Variants in PRSS23 observed in about 807,000 individuals in gnomAD.
The protein encoded by PRSS23 is serine protease 23.
In PRSS23, 25 loss-of-function variants were observed where a neutral mutation model predicts 34.7. The ratio of observed to expected loss-of-function variants is 0.72; its 90% confidence interval spans 0.53 to 1.01. PRSS23 has a LOEUF of 1.01. Ranked by LOEUF, PRSS23 falls within the 50% of genes least tolerant of loss-of-function variation. The pLI is 0.00. For missense variants in PRSS23, 445 were observed against 475.6 expected (o/e 0.94, Z 0.60); for synonymous variants, 176 against 186.6 (o/e 0.94, Z 0.46).
At chr11:86,918,207 GA>G (rs34146813) in intron 2 of PRSS23, among the ~76,000 whole-genome samples, 48,129 of 151,972 alleles carry the variant, frequency 0.32, 7,652 homozygotes, top group African/African-American at 0.35. Flanking sequence ...AGTATATACA[GA>G]AATGAATGTA....
exon 3 of PRSS23, chr11:86,952,527 C>T: frequency 6.3e-7 from 1 of 1,582,612 alleles, no homozygotes; most frequent in Non-Finnish European, 8.6e-7. Context: ...GAAGTTTGAC[C>T]AAATGCTCCC....
intron 2 of PRSS23, among the ~76,000 whole-genome samples, chr11:86,938,271 A>G (rs892674540): frequency 1.3e-5 from 2 of 152,238 alleles, no homozygotes; most frequent in Non-Finnish European, 2.9e-5. Context: ...ATGCAATTAC[A>G]GATGTTTGAA....
At chr11:86,888,673 C>T (rs188635617) in intron 2 of PRSS23, among the ~76,000 whole-genome samples, 71 of 152,304 alleles carry the variant, frequency 4.7e-4, no homozygotes, top group Non-Finnish European at 8.1e-4. Context: ...AGCCATGTCT[C>T]CTAAGACTTA....
At chr11:86,797,191 C>A (rs1158399956), upstream of PRSS23, among the ~76,000 whole-genome samples, 1 of 152,248 alleles carries the variant, frequency 6.6e-6, no homozygotes, top group Non-Finnish European at 1.5e-5. Context: ...GAACTGAGTT[C>A]TTAAGAAGCA....
At chr11:86,855,561 T>C (rs932724271) in intron 2 of PRSS23, among the ~76,000 whole-genome samples, 21 of 152,196 alleles carry the variant, frequency 1.4e-4, no homozygotes, top group African/African-American at 5.1e-4. Flanking sequence ...AGAGGCATGA[T>C]CTTGGCTCAC....
At chr11:86,846,155 G>A (rs549508162) in intron 2 of PRSS23, among the ~76,000 whole-genome samples, 1 of 151,916 alleles carries the variant, frequency 6.6e-6, no homozygotes, top group African/African-American at 2.4e-5. Flanking sequence ...TCTCTCTCTC[G>A]GTCCTTGCCT....
intron 2 of PRSS23, chr11:86,936,943 T>A (rs934593139): frequency 2.0e-5 from 3 of 151,980 alleles, no homozygotes; most frequent in African/African-American, 7.2e-5. Flanking sequence ...TTTAGAACAT[T>A]TAGAACATTA....
chr11:86,825,306 G>C (rs1262447661), intron 2 of PRSS23, among the ~76,000 whole-genome samples: 47 of 151,732 alleles, frequency 3.1e-4, no homozygotes, highest in African/African-American at 8.0e-4. Context: ...TCATGTCCTT[G>C]GCCCACTTTT....
intron 2 of PRSS23, among the ~76,000 whole-genome samples, chr11:86,916,545 G>A (rs1949014064): frequency 6.6e-6 from 1 of 152,194 alleles, no homozygotes; most frequent in South Asian, 2.1e-4. Flanking sequence ...GGAAGTGTGT[G>A]TCACCAGAAA....
chr11:86,813,667 TTAATA>T (rs1214491451), downstream of PRSS23, among the ~76,000 whole-genome samples: 1 of 146,206 alleles, frequency 6.8e-6, no homozygotes, highest in Non-Finnish European at 1.5e-5. Flanking sequence ...ATAAAATGTG[TTAATA>T]TAATGTTAAT....
At chr11:86,877,533 G>A (rs1948732915) in intron 2 of PRSS23, among the ~76,000 whole-genome samples, 1 of 151,938 alleles carries the variant, frequency 6.6e-6, no homozygotes, top group African/African-American at 2.4e-5. Context: ...AGGTAAGGGA[G>A]GTGTTCAACT....
At chr11:86,911,781 T>A (rs1054617222) in intron 2 of PRSS23, 1 of 145,090 alleles carries the variant, frequency 6.9e-6, no homozygotes, top group Non-Finnish European at 1.5e-5. Context: ...TGTGTGTGTG[T>A]GTGTGAGTGT....
intron 2 of PRSS23, among the ~76,000 whole-genome samples, chr11:86,865,631 G>T (rs1217387610): frequency 6.6e-6 from 1 of 152,162 alleles, no homozygotes; most frequent in East Asian, 1.9e-4. Flanking sequence ...TTGATCATCA[G>T]TTAGCAGGTT....
At chr11:86,829,493 A>C (rs574936874) in intron 2 of PRSS23, among the ~76,000 whole-genome samples, 1 of 152,324 alleles carries the variant, frequency 6.6e-6, no homozygotes, top group East Asian at 1.9e-4. Context: ...CAACTCGTCA[A>C]AGTCATTCTC....
At chr11:86,800,472 G>GGGGC (rs1409146903), upstream of PRSS23, 12 of 984,018 alleles carry the variant, frequency 1.2e-5, no homozygotes, top group East Asian at 5.7e-4. Context: ...GGCCGGAGGC[G>GGGGC]GGGCGGGCGG....
chr11:86,934,536 G>A (rs1456925365), intron 2 of PRSS23: 1 of 152,126 alleles, frequency 6.6e-6, no homozygotes, highest in Non-Finnish European at 1.5e-5. Context: ...AGTGTCATGT[G>A]ACTGGGTGGC....
Position 86,808,024 on chromosome 11 carries a change from G to A in PRSS23, c.381G>A (p.Lys127=). 6.2e-7 allele frequency: 1 copy of A among 1,614,044 alleles called. No individual in the cohort carries two copies. Among genetic ancestry groups the A allele is most frequent in the South Asian group, 1.1e-5 (1 of 91,062 alleles). The change falls in exon 2 of 2, where the codon AAG becomes AAA. Residue 127 remains lysine (K), a synonymous_variant. Coordinates refer to ENST00000280258, the MANE Select transcript of PRSS23 (RefSeq NM_007173.6). ...DSGSSGKSRR[K]RQIYGYDSRF... is the part of the protein sequence containing the mutation. ...GGTCTTCAGGAAAGTCTCGAAGGAAGCGGCAGATTTATGGCTATGACAGCA... is the reference window on the plus strand; with the variant it reads ...GGTCTTCAGGAAAGTCTCGAAGGAAACGGCAGATTTATGGCTATGACAGCA...
intron 2 of PRSS23, among the ~76,000 whole-genome samples, chr11:86,863,035 TG>T (rs1718332742): frequency 6.6e-6 from 1 of 152,070 alleles, no homozygotes; most frequent in Non-Finnish European, 1.5e-5. Flanking sequence ...AATATCACTG[TG>T]GGAGCACATC....
chr11:86,845,352 G>A (rs1460230199), intron 2 of PRSS23, among the ~76,000 whole-genome samples: 2 of 152,180 alleles, frequency 1.3e-5, no homozygotes, highest in East Asian at 1.9e-4. Context: ...CAGGTCAGGG[G>A]ATACTTCAGT....
Sources: allele counts gnomAD v4.1 joint callset (sites outside exome capture counted in the v4.1 genomes callset), GRCh38; gene constraint gnomAD v4.1.1; transcripts MANE v1.5; gene names NCBI Gene and HGNC (gene_info 2026-07-23, HGNC 2026-07-21).